Variants in UNC45B observed in about 807,000 individuals in gnomAD.
The protein encoded by UNC45B is unc-45 myosin chaperone B.
UNC45B carries 78 observed loss-of-function variants against 98.7 expected under a neutral mutation model. That is an observed-to-expected ratio of 0.79 (90% confidence interval 0.66 to 0.95). The LOEUF is 0.95. Among genes scored for constraint, UNC45B ranks in the 40% least tolerant of loss-of-function variants. The pLI, the probability that UNC45B is intolerant of heterozygous loss-of-function variation, is 0.00. For synonymous variants in UNC45B, 462 were observed against 480.4 expected, an observed-to-expected ratio of 0.96 and a Z score of 0.50; for missense variants, 1,225 against 1,184.9, an observed-to-expected ratio of 1.03 and a Z score of -0.50.
At chr17:35,183,963 TTC>T (rs2092288970) in intron 19 of UNC45B, among the ~76,000 whole-genome samples, 1 of 152,218 alleles carries the variant, frequency 6.6e-6, no homozygotes, top group African/African-American at 2.4e-5. Context: ...AAGCTGCAGA[TTC>T]TCTTAAGTGG....
chr17:35,182,444 C>T lies in UNC45B; in HGVS notation c.2374-983C>T, dbSNP rs144225701. The stretch of plus-strand genomic sequence containing the variant: ...TCCAGGCTTCTTTGATCATCAAGAA[C>T]TGTCTTCTCCTCTGCCACACTGGGA... On this transcript the variant is annotated intron_variant, in intron 18 of 19. Transcript: ENST00000394570. Among the ~76,000 whole-genome samples, 401 of 150,774 alleles carry T rather than the reference C, an allele frequency of 2.7e-3. 1 individual carries two copies. Among genetic ancestry groups the T allele is most frequent in the African/African-American group, 9.4e-3 (389 of 41,210 alleles).
In UNC45B at chr17:35,181,355, G is replaced by T. The variant is rs144505212; in HGVS notation, c.2373+679G>T. Reference sequence around the variant, plus strand: ...AGAGATAACAGCAGGGTCTAAGTTTGAGGCCCTTCATTAACATGAGGGCCA... The same window carrying T: ...AGAGATAACAGCAGGGTCTAAGTTTTAGGCCCTTCATTAACATGAGGGCCA... On this transcript the variant is annotated intron_variant, in intron 18 of 19. Transcript: ENST00000394570. Among the ~76,000 whole-genome samples, 158 of 152,314 alleles carry T rather than the reference G, an allele frequency of 1.0e-3. 1 individual carries two copies. Among genetic ancestry groups the T allele is most frequent in the African/African-American group, 3.7e-3 (152 of 41,556 alleles).
rs781041098 is a variant in UNC45B, at chr17:35,183,544, G to A, written c.2491G>A (p.Ala831Thr). The stretch of plus-strand genomic sequence containing the variant: ...TGCAGGGGCTCTGGCCATGCTGACA[G>A]CAGCACACAAGAAACTGTGCCTCAA... The part of the protein sequence containing the change: ...AAAGALAMLT[A>T]AHKKLCLKMT... The change falls in exon 19 of 20, where the codon GCA (alanine) becomes ACA (threonine). Residue 831 changes from alanine (A) to threonine (T), a missense_variant. By Grantham distance (58) the Ala-to-Thr change is moderately conservative (BLOSUM62 0). Transcript: ENST00000394570. 11 of 1,595,018 alleles carry A rather than the reference G, an allele frequency of 6.9e-6. No homozygotes were observed. The Admixed American group carries it at 1.9e-4, about 28-fold the overall frequency.
chr17:35,160,459 G>A (rs997516864), intron 8 of UNC45B, among the ~76,000 whole-genome samples: 1 of 152,082 alleles, frequency 6.6e-6, no homozygotes, highest in Non-Finnish European at 1.5e-5. Context: ...TCTTTTTAGA[G>A]ACAGAGTCTC....
In UNC45B at chr17:35,177,068, G is replaced by T; in HGVS notation, c.2077G>T (p.Ala693Ser). 3.1e-6 allele frequency: 5 copies of T among 1,614,204 alleles called. No homozygotes were observed. The highest frequency in any genetic ancestry group is 4.2e-6 in the Non-Finnish European group (5 of 1,180,044). Residue 693 changes from alanine (A) to serine (S), a missense_variant, in exon 16 of 20, where the codon GCC (alanine) becomes TCC (serine). By Grantham distance (99) the Ala-to-Ser change is moderately conservative (BLOSUM62 1). Coordinates refer to ENST00000394570, the MANE Select transcript of UNC45B (RefSeq NM_001267052.2). Reference sequence around the variant, plus strand: ...CACAGATGTGGGCAAGGTGAAGGCAGCCCACGCTCTAGCAAAGATCGCTGC... The same window carrying T: ...CACAGATGTGGGCAAGGTGAAGGCATCCCACGCTCTAGCAAAGATCGCTGC... Reference protein sequence around the residue: ...EGTDVGKVKAAHALAKIAAVS... With the variant: ...EGTDVGKVKASHALAKIAAVS...
In UNC45B at chr17:35,181,502, G is replaced by A. The variant is rs188615905; in HGVS notation, c.2373+826G>A. On this transcript the variant is annotated intron_variant, in intron 18 of 19. Transcript: ENST00000394570. ...GGGGAAAACCTAACCCATTAAAGCC[G>A]ATTAAAGGCCAGGTATGGTGGCTCA... is the stretch of plus-strand genomic sequence containing the variant. 1.3e-3 allele frequency among the ~76,000 whole-genome samples: 195 copies of A among 152,272 alleles called. 2 individuals are homozygous for A. The highest frequency in any genetic ancestry group is 2.4e-3 in the Non-Finnish European group (163 of 68,002).
At position 35,171,390 on chromosome 17, in the gene UNC45B, CAAG is replaced by C. The variant is rs752338852; in HGVS notation, c.1759_1761del (p.Lys587del). The stretch of plus-strand genomic sequence containing the variant: ...TGAACTGCACCAACAGCTACGATGT[CAAG>C]GAGGTCATCCCAGAGCTTGTCCAGC... On this transcript the variant is annotated inframe_deletion, in exon 13 of 20. Coordinates refer to ENST00000394570, the MANE Select transcript of UNC45B (RefSeq NM_001267052.2). 5.2e-5 allele frequency: 84 copies of C among 1,614,114 alleles called. No individual in the cohort carries two copies. Among genetic ancestry groups the C allele is most frequent in the Non-Finnish European group, 6.3e-5 (74 of 1,180,042 alleles).
Position 35,159,545 on chromosome 17 carries a change from G to A in UNC45B, c.979G>A (p.Gly327Ser). 6.2e-7 allele frequency: 1 copy of A among 1,612,548 alleles called. No individual in the cohort carries two copies. Among genetic ancestry groups the A allele is most frequent in the Non-Finnish European group, 8.5e-7 (1 of 1,178,846 alleles). Residue 327 changes from glycine to serine, a missense_variant and splice_region_variant, in exon 8 of 20, where the codon GGT becomes AGT. Transcript: ENST00000394570. Reference protein sequence around the residue: ...NSRTIYVVDNGLRKILKVVGQ... With the variant: ...NSRTIYVVDNSLRKILKVVGQ... Reference sequence around the variant, plus strand: ...ACGTACCATCTATGTGGTGGATAATGGTGAGAAGAGGGGAAGGTTTGGGGC... The same window carrying A: ...ACGTACCATCTATGTGGTGGATAATAGTGAGAAGAGGGGAAGGTTTGGGGC...
intron 3 of UNC45B, among the ~76,000 whole-genome samples, chr17:35,149,279 T>C (rs891110885): frequency 6.6e-6 from 1 of 152,198 alleles, no homozygotes; most frequent in Non-Finnish European, 1.5e-5. Context: ...AGGATTGGAT[T>C]TCATCTCAAG....
At chr17:35,177,188 G>C in intron 16 of UNC45B, 58 bp downstream of exon 16, 1 of 1,483,472 alleles carries the variant, frequency 6.7e-7, no homozygotes, top group East Asian at 2.3e-5. Flanking sequence ...GCTCCTAGAG[G>C]CCTTTCCCCT....
chr17:35,186,258 C>G, intron 19 of UNC45B, 41 bp from the exon 20 acceptor site: 1 of 1,605,246 alleles, frequency 6.2e-7, no homozygotes, highest in Non-Finnish European at 8.5e-7. Context: ...TGGGGACACA[C>G]TCAAACCTAG....
chr17:35,148,458 G>A (rs769661387), intron 2 of UNC45B, 27 bp downstream of exon 2: 3 of 1,608,458 alleles, frequency 1.9e-6, no homozygotes, highest in Admixed American at 3.4e-5. Flanking sequence ...GGCACAGGGT[G>A]GGAGTGAGGC....
chr17:35,161,845 G>T lies in UNC45B; in HGVS notation c.980-2150G>T, dbSNP rs1387738215. 2.0e-5 allele frequency among the ~76,000 whole-genome samples: 3 copies of T among 152,116 alleles called. No individual in the cohort carries two copies. In the South Asian group the frequency reaches 6.2e-4, roughly 32 times the overall value. ...ACCTCCAGGAAGGGGAGAGGGGCTG[G>T]AGGTGGGATTCATCACTAATAACTA... On this transcript the variant is annotated intron_variant, in intron 8 of 19. Coordinates refer to ENST00000394570, the MANE Select transcript of UNC45B (RefSeq NM_001267052.2).
intron 19 of UNC45B, among the ~76,000 whole-genome samples, chr17:35,185,887 C>T (rs1367314504): frequency 2.0e-5 from 3 of 152,130 alleles, no homozygotes; most frequent in Middle Eastern, 3.4e-3. Context: ...ATACCTCAGA[C>T]TAGGTAAAAG....
At chr17:35,165,589 T>C (rs1438948337) in intron 9 of UNC45B, among the ~76,000 whole-genome samples, 1 of 152,174 alleles carries the variant, frequency 6.6e-6, no homozygotes, top group African/African-American at 2.4e-5. Flanking sequence ...GTAAATATTT[T>C]AGTATTTGTG....
At chr17:35,172,641 G>A (rs1486096522) in intron 13 of UNC45B, among the ~76,000 whole-genome samples, 1 of 152,184 alleles carries the variant, frequency 6.6e-6, no homozygotes, top group Non-Finnish European at 1.5e-5. Flanking sequence ...GGCTTCCAGG[G>A]CTTGCCCAGG....
At chr17:35,184,537 A>G (rs1567771485) in intron 19 of UNC45B, among the ~76,000 whole-genome samples, 1 of 151,686 alleles carries the variant, frequency 6.6e-6, no homozygotes, top group Non-Finnish European at 1.5e-5. Flanking sequence ...ACCCTCTGTG[A>G]CTCCTTGCAC....
At chr17:35,154,496 C>T in intron 5 of UNC45B, 78 bp from the exon 6 acceptor site, 2 of 1,392,236 alleles carry the variant, frequency 1.4e-6, no homozygotes, top group Non-Finnish European at 2.0e-6. Flanking sequence ...TGCACTGGCT[C>T]TTCTTGTACT....
intron 17 of UNC45B, among the ~76,000 whole-genome samples, chr17:35,178,886 C>T (rs1001443719): frequency 6.6e-6 from 1 of 152,092 alleles, no homozygotes; most frequent in Admixed American, 6.6e-5. Context: ...CTGTTCTGTT[C>T]CATTGGTCTA....
Sources: gnomAD v4.1 joint callset for allele counts (sites outside exome capture counted in the v4.1 genomes callset) on GRCh38, gnomAD v4.1.1 for gene constraint, MANE v1.5 for transcripts, NCBI Gene and HGNC (gene_info 2026-07-23, HGNC 2026-07-21) for gene names.